The following PCDHGA1 variants were observed in gnomAD, a reference collection of about 807,000 sequenced individuals.
PCDHGA1 encodes the protein protocadherin gamma subfamily A, 1, also known as protocadherin gamma-A1.
PCDHGA1 carries 32 observed loss-of-function variants against 58.0 expected under a neutral mutation model. That is an observed-to-expected ratio of 0.55 (90% CI 0.42 to 0.74). PCDHGA1 has a LOEUF of 0.74. Among genes scored for constraint, PCDHGA1 ranks in the 30% least tolerant of loss-of-function variants. PCDHGA1 has a pLI of 0.00. For synonymous variants in PCDHGA1, 498 were observed against 501.1 expected (o/e 0.99, Z 0.08); for missense variants, 1,205 against 1,182.3 (o/e 1.02, Z -0.28).
In PCDHGA1 at chr5:141,332,108, G is replaced by C. The variant is rs770512235; in HGVS notation, c.1424G>C (p.Arg475Thr). ...AGAGGAGCCTCCATCTTCTCTGTGA[G>C]GGCCCACGACTTGGACAGCAATGAG... ...NPRGASIFSV[R>T]AHDLDSNENA... Residue 475 changes from arginine to threonine, a missense_variant, in exon 1 of 4, where the codon AGG (arginine) becomes ACG (threonine). Arg to Thr is a moderately conservative substitution (Grantham distance 71). Transcript: ENST00000517417. The surrounding 1 kb of genome is among the most constrained non-coding windows in gnomAD (Gnocchi z 4.6). The C allele has an allele frequency of 2.5e-6, 4 of 1,614,124 alleles. No homozygotes were observed. The highest frequency in any genetic ancestry group is 1.7e-5 in the Admixed American group (1 of 60,006).
At position 141,431,639 on chromosome 5, in the gene PCDHGA1, C is replaced by T; in HGVS notation, c.2422-63168C>T. 1 of 1,614,262 alleles carries T rather than the reference C, an allele frequency of 6.2e-7. No homozygotes were observed. The highest frequency in any genetic ancestry group is 8.5e-7 in the Non-Finnish European group (1 of 1,180,046). On this transcript the variant is annotated intron_variant, in intron 1 of 3. Transcript: ENST00000517417. This position sits in a 1 kb window ranked among gnomAD's most constrained non-coding sequence, Gnocchi z 4.8. Reference sequence around the variant, plus strand: ...CGACAAGGCGGCCCAAGTTTTCAAACTAGATTGTAATTCAGGGACAATATC... The same window carrying T: ...CGACAAGGCGGCCCAAGTTTTCAAATTAGATTGTAATTCAGGGACAATATC...
chr5:141,373,916 A>C (rs1769959777), intron 1 of PCDHGA1: 2 of 648,756 alleles, frequency 3.1e-6, no homozygotes, highest in African/African-American at 3.7e-5. Flanking sequence ...ACAACAAAGC[A>C]AATTAGACGG....
At chr5:141,495,923 T>G (rs1337381299) in intron 2 of PCDHGA1, among the ~76,000 whole-genome samples, 4 of 152,306 alleles carry the variant, frequency 2.6e-5, no homozygotes, top group South Asian at 2.1e-4. Context: ...TTTCTTTGTC[T>G]CTGTCTCTGG....
chr5:141,336,149 A>G (rs10059224), intron 1 of PCDHGA1, among the ~76,000 whole-genome samples: 109 of 152,326 alleles, frequency 7.2e-4, no homozygotes, highest in African/African-American at 2.6e-3. Flanking sequence ...TGAGGATGAA[A>G]TAATGGAAGC....
intron 1 of PCDHGA1, chr5:141,340,095 A>T (rs1334285899): frequency 1.2e-6 from 2 of 1,613,916 alleles, no homozygotes; most frequent in South Asian, 2.2e-5. Flanking sequence ...CATGATAGAG[A>T]CTCTGGGCAG....
At chr5:141,376,085 A>T (rs777795289) in intron 1 of PCDHGA1, 1 of 1,613,530 alleles carries the variant, frequency 6.2e-7, no homozygotes. Flanking sequence ...GGCCGACAGG[A>T]TCCCCGACAT....
intron 1 of PCDHGA1, chr5:141,394,967 C>T: frequency 6.2e-7 from 1 of 1,613,950 alleles, no homozygotes; most frequent in Non-Finnish European, 8.5e-7. Flanking sequence ...GGCTGAGGCG[C>T]TGGCACAAGT....
At chr5:141,499,271 T>C (rs2099790752) in intron 2 of PCDHGA1, among the ~76,000 whole-genome samples, 1 of 152,180 alleles carries the variant, frequency 6.6e-6, no homozygotes, top group South Asian at 2.1e-4. Context: ...GTCCCTAGAC[T>C]GTTCTCTGAT....
chr5:141,410,180 C>G (rs776702898), intron 1 of PCDHGA1: 43 of 1,613,802 alleles, frequency 2.7e-5, no homozygotes, highest in Non-Finnish European at 3.4e-5. Context: ...CACCGCCACG[C>G]TTCATCTGGT....
At chr5:141,364,029 G>T (rs1236372834) in intron 1 of PCDHGA1, among the ~76,000 whole-genome samples, 1 of 152,176 alleles carries the variant, frequency 6.6e-6, no homozygotes, top group Non-Finnish European at 1.5e-5. Flanking sequence ...TAAACATTAA[G>T]GATATGGCAA....
chr5:141,364,495 G>A, intron 1 of PCDHGA1: 2 of 1,614,036 alleles, frequency 1.2e-6, no homozygotes, highest in Non-Finnish European at 1.7e-6. Flanking sequence ...TTGGGCTGGA[G>A]CCCCAGGAGC....
chr5:141,408,789 T>C, intron 1 of PCDHGA1: 1 of 1,612,724 alleles, frequency 6.2e-7, no homozygotes, highest in Non-Finnish European at 8.5e-7. Context: ...GAGTTATCTC[T>C]GGAGAAACTC....
At chr5:141,408,712 T>C in intron 1 of PCDHGA1, 2 of 1,612,332 alleles carry the variant, frequency 1.2e-6, no homozygotes, top group Non-Finnish European at 1.7e-6. Flanking sequence ...TTAAAGATTA[T>C]AAGATAAACT....
intron 1 of PCDHGA1, chr5:141,414,659 T>A (rs566999623): frequency 6.2e-7 from 1 of 1,614,010 alleles, no homozygotes; most frequent in South Asian, 1.1e-5. Flanking sequence ...ATTTACTCCC[T>A]GGCTGAAGAC....
rs2098995125 is a variant in PCDHGA1 at position 141,460,673 on chromosome 5, A to G, written c.2422-34134A>G. 2.6e-5 allele frequency among the ~76,000 whole-genome samples: 4 copies of G among 152,244 alleles called. No homozygotes were observed. The South Asian group carries it at 8.3e-4, about 32-fold the overall frequency. On this transcript the variant is annotated intron_variant, in intron 1 of 3. Coordinates refer to ENST00000517417, the MANE Select transcript of PCDHGA1 (RefSeq NM_018912.3). ...CATATGTAACTGTAAACACAGTTAT[A>G]TATCTATATATCCACCAACAGTTGA... is the stretch of plus-strand genomic sequence containing the variant.
In PCDHGA1 at chr5:141,383,217, T is replaced by C. The variant is rs367646444; in HGVS notation, c.2421+50112T>C. The stretch of plus-strand genomic sequence containing the variant: ...AGAGTGCGCGGTGTCTGGTAAACTT[T>C]AACATCCTGATGGAAGATAAAATGA... On this transcript the variant is annotated intron_variant, in intron 1 of 3. Coordinates refer to ENST00000517417, the MANE Select transcript of PCDHGA1 (RefSeq NM_018912.3). 8.1e-6 allele frequency: 13 copies of C among 1,613,876 alleles called. 1 individual carries two copies. The Admixed American group carries it at 1.0e-4, about 12-fold the overall frequency.
intron 1 of PCDHGA1, chr5:141,366,238 C>A (rs376279746): frequency 1.8e-4 from 297 of 1,613,786 alleles, no homozygotes; most frequent in Non-Finnish European, 2.3e-4. Flanking sequence ...TGGACAGAGA[C>A]GCGCTCAAGC....
rs567684479 is a variant in PCDHGA1 at position 141,432,875 on chromosome 5, G to T, written c.2422-61932G>T. The T allele has an allele frequency of 6.2e-7, 1 of 1,614,178 alleles. No individual in the cohort carries two copies. Among genetic ancestry groups the T allele is most frequent in the South Asian group, 1.1e-5 (1 of 91,084 alleles). ...GGCCGCGGTCTCCTGCGTCTTCCTG[G>T]CCTTCGTCATCTTGCTGCTGGCGCT... On this transcript the variant is annotated intron_variant, in intron 1 of 3. Coordinates refer to ENST00000517417, the MANE Select transcript of PCDHGA1 (RefSeq NM_018912.3). This position sits in a 1 kb window ranked among gnomAD's most constrained non-coding sequence, Gnocchi z 6.0.
Position 141,432,856 on chromosome 5 carries a change from G to A in PCDHGA1, c.2422-61951G>A, listed in dbSNP as rs773243805. 8.7e-6 allele frequency: 14 copies of A among 1,614,024 alleles called. No homozygotes were observed. The highest frequency in any genetic ancestry group is 1.3e-5 in the African/African-American group (1 of 74,908). ...TGTACCTGGTGGTAGCGGTGGCCGC[G>A]GTCTCCTGCGTCTTCCTGGCCTTCG... On this transcript the variant is annotated intron_variant, in intron 1 of 3. Coordinates refer to ENST00000517417, the MANE Select transcript of PCDHGA1 (RefSeq NM_018912.3). The surrounding 1 kb of genome is among the most constrained non-coding windows in gnomAD (Gnocchi z 6.0).
Sources: gnomAD v4.1 joint callset for allele counts (sites outside exome capture counted in the v4.1 genomes callset) on GRCh38, gnomAD v4.1.1 for gene constraint, Gnocchi (gnomAD v3.1) non-coding constraint, MANE v1.5 for transcripts, NCBI Gene and HGNC (gene_info 2026-07-23, HGNC 2026-07-21) for gene names.